The following SLC14A2 variants were observed in gnomAD, a reference collection of about 807,000 sequenced individuals.
The protein encoded by SLC14A2 is solute carrier family 14 member 2.
A neutral mutation model predicts 104.6 loss-of-function variants in SLC14A2; 91 were observed. The ratio of observed to expected loss-of-function variants is 0.87; its 90% CI spans 0.73 to 1.04. The LOEUF is 1.04. SLC14A2 is among the 50% of genes least tolerant of loss of function. The pLI is 0.00. For missense variants in SLC14A2, 1,189 were observed against 1,156.0 expected, an observed-to-expected ratio of 1.03 and a Z score of -0.41; for synonymous variants, 476 against 466.4, an observed-to-expected ratio of 1.02 and a Z score of -0.27.
At chr18:45,335,659 C>A (rs1296076080) in intron 1 of SLC14A2, among the ~76,000 whole-genome samples, 1 of 152,090 alleles carries the variant, frequency 6.6e-6, no homozygotes, top group Admixed American at 6.5e-5. Context: ...ATAGAAATTT[C>A]CAAAATAGCT....
chr18:45,351,669 T>C (rs1309953430), intron 1 of SLC14A2, among the ~76,000 whole-genome samples: 1 of 152,194 alleles, frequency 6.6e-6, no homozygotes, highest in East Asian at 1.9e-4. Context: ...TTATGTACGC[T>C]CAGTACCTAC....
chr18:45,352,584 C>T (rs922788489), intron 1 of SLC14A2, among the ~76,000 whole-genome samples: 3 of 152,082 alleles, frequency 2.0e-5, no homozygotes, highest in Admixed American at 6.5e-5. Flanking sequence ...TTGATCCTTG[C>T]CCCTGTAGAG....
chr18:45,278,736 G>A (rs962073899), intron 1 of SLC14A2, among the ~76,000 whole-genome samples: 3 of 152,086 alleles, frequency 2.0e-5, no homozygotes, highest in African/African-American at 2.4e-5. Flanking sequence ...ATTTTCAATA[G>A]TGTCTAGTTG....
At chr18:45,296,824 C>T (rs2084922217) in intron 1 of SLC14A2, among the ~76,000 whole-genome samples, 1 of 116,514 alleles carries the variant, frequency 8.6e-6, no homozygotes, top group African/African-American at 3.9e-5. Context: ...CCCAGGGTAG[C>T]CGTCATAAAA....
chr18:45,244,226 C>A (rs2084346704), intron 1 of SLC14A2, among the ~76,000 whole-genome samples: 1 of 152,188 alleles, frequency 6.6e-6, no homozygotes, highest in Non-Finnish European at 1.5e-5. Context: ...TTATTATGCT[C>A]TGCTTTCTTT....
chr18:45,206,993 G>T, the SLC14A2 span, among the ~76,000 whole-genome samples: 4 of 152,124 alleles, frequency 2.6e-5, no homozygotes, highest in Non-Finnish European at 5.9e-5. Flanking sequence ...TGGAATGCCT[G>T]GGAATGTTCA....
chr18:45,391,498 C>T (rs940775756), intron 1 of SLC14A2, among the ~76,000 whole-genome samples: 4 of 152,136 alleles, frequency 2.6e-5, no homozygotes, highest in Admixed American at 1.3e-4. Flanking sequence ...GAGGAATCGC[C>T]CCACTGACTT....
chr18:45,670,456 T>C (rs968544463), intron 16 of SLC14A2, among the ~76,000 whole-genome samples: 1 of 152,290 alleles, frequency 6.6e-6, no homozygotes, highest in Non-Finnish European at 1.5e-5. Flanking sequence ...CTCCACAGTC[T>C]GGCGCTCACT....
At chr18:45,401,012 C>G (rs766036418) in intron 1 of SLC14A2, among the ~76,000 whole-genome samples, 1 of 152,156 alleles carries the variant, frequency 6.6e-6, no homozygotes, top group African/African-American at 2.4e-5. Context: ...CCAAGGATCC[C>G]TTGTTCTTTT....
chr18:45,267,001 G>A (rs184605871), intron 1 of SLC14A2, among the ~76,000 whole-genome samples: 1 of 152,268 alleles, frequency 6.6e-6, no homozygotes, highest in East Asian at 1.9e-4. Context: ...GGCAAACCAT[G>A]TGTACATTAA....
intron 1 of SLC14A2, among the ~76,000 whole-genome samples, chr18:45,242,642 C>T (rs1176996869): frequency 6.6e-6 from 1 of 152,190 alleles, no homozygotes; most frequent in African/African-American, 2.4e-5. Context: ...TGAATACATA[C>T]ATGCGTCTGA....
At chr18:45,516,079 C>T (rs144071747) in intron 2 of SLC14A2, among the ~76,000 whole-genome samples, 1 of 152,186 alleles carries the variant, frequency 6.6e-6, no homozygotes, top group African/African-American at 2.4e-5. Flanking sequence ...AATCTTTGAA[C>T]TTTTAACTGG....
At chr18:45,671,780 A>G (rs1291053720) in intron 16 of SLC14A2, among the ~76,000 whole-genome samples, 1 of 152,202 alleles carries the variant, frequency 6.6e-6, no homozygotes, top group Non-Finnish European at 1.5e-5. Context: ...TCTCTAGAGA[A>G]GAGCGTCCTT....
intron 1 of SLC14A2, among the ~76,000 whole-genome samples, chr18:45,357,802 A>AAAAGGCTCATTCC (rs1216125937): frequency 6.6e-6 from 1 of 152,166 alleles, no homozygotes. Flanking sequence ...AAAGGCTGAA[A>AAAAGGCTCATTCC]AAAGGCTCAT....
intron 2 of SLC14A2, among the ~76,000 whole-genome samples, chr18:45,564,053 C>T (rs1394800510): frequency 6.6e-6 from 1 of 152,166 alleles, no homozygotes; most frequent in Admixed American, 6.5e-5. Context: ...ATGTTATCTC[C>T]ATCAATGTCA....
intron 1 of SLC14A2, among the ~76,000 whole-genome samples, chr18:45,226,472 T>A (rs544824884): frequency 6.6e-6 from 1 of 152,130 alleles, no homozygotes; most frequent in South Asian, 2.1e-4. Flanking sequence ...ATATACACCA[T>A]GGAATACTAT....
chr18:45,400,752 T>C (rs576842425), intron 1 of SLC14A2, among the ~76,000 whole-genome samples: 2 of 152,310 alleles, frequency 1.3e-5, no homozygotes, highest in African/African-American at 4.8e-5. Flanking sequence ...GGTAAGAGCT[T>C]TATTTTCTCC....
intron 1 of SLC14A2, among the ~76,000 whole-genome samples, chr18:45,264,599 G>A (rs936013102): frequency 3.3e-5 from 5 of 152,150 alleles, no homozygotes; most frequent in African/African-American, 1.2e-4. Context: ...GAAAGGCAAA[G>A]GAGGAGCAAA....
intron 4 of SLC14A2, 97 bp from the exon 5 acceptor site, chr18:45,632,253 G>A (rs988823375): frequency 6.9e-7 from 1 of 1,445,338 alleles, no homozygotes; most frequent in Non-Finnish European, 9.3e-7. Context: ...ATTATTAAAG[G>A]AATCATCTAA....
Sources: allele counts gnomAD v4.1 joint callset (sites outside exome capture counted in the v4.1 genomes callset), GRCh38; gene constraint gnomAD v4.1.1; transcripts MANE v1.5; gene names NCBI Gene and HGNC (gene_info 2026-07-23, HGNC 2026-07-21).